Variants in SEMA6D observed in about 807,000 individuals in gnomAD.
SEMA6D encodes the protein semaphorin 6D.
A neutral mutation model predicts 106.6 loss-of-function variants in SEMA6D; 35 were observed. That is an observed-to-expected ratio of 0.33 (90% CI 0.25 to 0.44). The LOEUF (loss-of-function observed/expected upper bound fraction) is 0.44. Among genes scored for constraint, SEMA6D ranks in the 20% least tolerant of loss-of-function variants. SEMA6D has a pLI of 1.00. For missense variants in SEMA6D, 1,185 were observed against 1,345.9 expected (o/e 0.88, Z 1.87); for synonymous variants, 499 against 487.7 (o/e 1.02, Z -0.31).
intron 1 of SEMA6D, among the ~76,000 whole-genome samples, chr15:47,734,286 A>C (rs376699858): frequency 9.8e-5 from 15 of 152,318 alleles, no homozygotes; most frequent in African/African-American, 3.6e-4. Flanking sequence ...CAGTGTTCAC[A>C]GAGCTTTTCT....
chr15:47,686,466 A>G (rs955935063), intron 4 of SEMA6D, among the ~76,000 whole-genome samples: 1 of 152,242 alleles, frequency 6.6e-6, no homozygotes, highest in African/African-American at 2.4e-5. Flanking sequence ...CTGCAAGAAA[A>G]GCCATCTCAA....
At chr15:47,227,535 C>A (rs2141482771) in intron 1 of SEMA6D, among the ~76,000 whole-genome samples, 1 of 131,398 alleles carries the variant, frequency 7.6e-6, no homozygotes, top group South Asian at 2.5e-4. Flanking sequence ...CTTCCTCTTT[C>A]TCCTCTTTCT....
chr15:47,355,536 CAT>C (rs934911718), intron 1 of SEMA6D, among the ~76,000 whole-genome samples: 22 of 152,180 alleles, frequency 1.4e-4, no homozygotes, highest in Admixed American at 5.2e-4. Context: ...GACTTTCACA[CAT>C]GTCAGATGTG....
intron 1 of SEMA6D, among the ~76,000 whole-genome samples, chr15:47,227,419 C>CTCTTTCTTTCTTTCTTTCTT (rs10652948): frequency 4.8e-4 from 55 of 115,418 alleles, no homozygotes; most frequent in African/African-American, 1.7e-3. Context: ...TTCTTTCTTT[C>CTCTTTCTTTCTTTCTTTCTT]TCTTTCTTTC....
intron 3 of SEMA6D, among the ~76,000 whole-genome samples, chr15:47,594,026 A>T (rs2076491955): frequency 6.6e-6 from 1 of 152,234 alleles, no homozygotes; most frequent in Admixed American, 6.5e-5. Context: ...TCCAAACCGT[A>T]TCAAATGTCA....
At chr15:47,360,725 C>A (rs2038772984) in intron 1 of SEMA6D, among the ~76,000 whole-genome samples, 1 of 152,144 alleles carries the variant, frequency 6.6e-6, no homozygotes, top group Non-Finnish European at 1.5e-5. Flanking sequence ...ACATTTTTAT[C>A]CAACTACCTC....
chr15:47,580,259 T>C (rs1239226048), intron 3 of SEMA6D, among the ~76,000 whole-genome samples: 1 of 152,140 alleles, frequency 6.6e-6, no homozygotes, highest in Non-Finnish European at 1.5e-5. Flanking sequence ...TGGGATGAGC[T>C]CCAAAAGCCT....
intron 1 of SEMA6D, among the ~76,000 whole-genome samples, chr15:47,336,706 G>T (rs1207169094): frequency 6.6e-6 from 1 of 152,118 alleles, no homozygotes; most frequent in African/African-American, 2.4e-5. Flanking sequence ...GATGGAAGGA[G>T]GAGATATTTA....
At chr15:47,644,819 C>G (rs771115824) in intron 4 of SEMA6D, among the ~76,000 whole-genome samples, 2 of 152,332 alleles carry the variant, frequency 1.3e-5, no homozygotes, top group Non-Finnish European at 2.9e-5. Context: ...ATAGTTTATA[C>G]TGGCGGGTCT....
chr15:47,399,704 G>A (rs756063762), intron 1 of SEMA6D: 1 of 152,230 alleles, frequency 6.6e-6, no homozygotes, highest in Non-Finnish European at 1.5e-5. Flanking sequence ...GGCTCTGCAA[G>A]GAGAAGCTGG....
At chr15:47,306,285 A>G (rs186354540) in intron 1 of SEMA6D, among the ~76,000 whole-genome samples, 174 of 152,098 alleles carry the variant, frequency 1.1e-3, no homozygotes, top group African/African-American at 3.8e-3. Context: ...GCCTGGCCCA[A>G]TGGTAACTCA....
At chr15:47,554,385 G>T (rs949814771) in intron 3 of SEMA6D, among the ~76,000 whole-genome samples, 1 of 152,204 alleles carries the variant, frequency 6.6e-6, no homozygotes, top group Non-Finnish European at 1.5e-5. Context: ...AAGTGAATGA[G>T]TGCAGTTCAC....
intron 2 of SEMA6D, among the ~76,000 whole-genome samples, chr15:47,455,251 C>T (rs2042313520): frequency 6.6e-6 from 1 of 151,804 alleles, no homozygotes; most frequent in Non-Finnish European, 1.5e-5. Flanking sequence ...AGCAGATTTC[C>T]TTCCCTGTTC....
Position 47,761,642 on chromosome 15 carries a change from A to G in SEMA6D, c.448-19A>G. The stretch of plus-strand genomic sequence containing the variant: ...ACGTTGAATAGATATGACACTGGCT[A>G]TTTACTTTTCTTTTGTAGTTGAGTA... On this transcript the variant is annotated intron_variant, in intron 6 of 18. Coordinates refer to ENST00000536845, the MANE Select transcript of SEMA6D (RefSeq NM_001358351.3). 1 of 1,581,014 alleles carries G rather than the reference A, an allele frequency of 6.3e-7. No individual in the cohort carries two copies. Among genetic ancestry groups the G allele is most frequent in the South Asian group, 1.1e-5 (1 of 88,334 alleles).
At chr15:47,562,792 A>G (rs1215977342) in intron 3 of SEMA6D, among the ~76,000 whole-genome samples, 1 of 152,172 alleles carries the variant, frequency 6.6e-6, no homozygotes, top group African/African-American at 2.4e-5. Flanking sequence ...ACTTAAATAT[A>G]AAGTTTCCAT....
At chr15:47,293,041 A>C (rs559345245) in intron 1 of SEMA6D, among the ~76,000 whole-genome samples, 1 of 152,320 alleles carries the variant, frequency 6.6e-6, no homozygotes, top group Non-Finnish European at 1.5e-5. Context: ...ACTGAATCCA[A>C]TATTGGAGTA....
At chr15:47,762,369 A>ACT (rs2082105992) in intron 8 of SEMA6D, 50 bp downstream of exon 8, 2 of 1,600,304 alleles carry the variant, frequency 1.2e-6, no homozygotes, top group African/African-American at 2.7e-5. Context: ...TGGATGGCCC[A>ACT]AGTGGGGACA....
At chr15:47,253,329 T>C (rs956487667) in intron 1 of SEMA6D, among the ~76,000 whole-genome samples, 4 of 152,204 alleles carry the variant, frequency 2.6e-5, no homozygotes, top group Non-Finnish European at 4.4e-5. Context: ...TTGTTTATTG[T>C]TTCCTTTGCT....
At chr15:47,753,002 C>G (rs1490598350) in intron 1 of SEMA6D, among the ~76,000 whole-genome samples, 10 of 141,660 alleles carry the variant, frequency 7.1e-5, no homozygotes, top group African/African-American at 2.3e-4. Flanking sequence ...GAGCAAGACA[C>G]TGTCAAAAAA....
Sources: gnomAD v4.1 joint callset for allele counts (sites outside exome capture counted in the v4.1 genomes callset) on GRCh38, gnomAD v4.1.1 for gene constraint, MANE v1.5 for transcripts, NCBI Gene and HGNC (gene_info 2026-07-23, HGNC 2026-07-21) for gene names.